The following MAP7 variants were observed in gnomAD, a reference collection of about 807,000 sequenced individuals.
The protein encoded by MAP7 is microtubule associated protein 7.
A neutral mutation model predicts 94.8 loss-of-function variants in MAP7; 52 were observed. That is an observed-to-expected ratio of 0.55 (90% CI 0.44 to 0.69). The LOEUF is 0.69. MAP7 is among the 30% of genes least tolerant of loss of function. MAP7 has a pLI of 0.00. For synonymous variants in MAP7, 350 were observed against 357.0 expected (o/e 0.98, Z 0.22); for missense variants, 940 against 964.6 (o/e 0.97, Z 0.34).
chr6:136,355,884 T>C (rs1582650145), intron 16 of MAP7, among the ~76,000 whole-genome samples: 1 of 152,232 alleles, frequency 6.6e-6, no homozygotes, highest in African/African-American at 2.4e-5. Flanking sequence ...AATGTTCATA[T>C]GATGCTGTTG....
At chr6:136,403,019 AG>A (rs781675620) in intron 3 of MAP7, among the ~76,000 whole-genome samples, 40 of 151,428 alleles carry the variant, frequency 2.6e-4, no homozygotes, top group Non-Finnish European at 8.8e-5. Flanking sequence ...AAAATAATGG[AG>A]TTTTGCTAAA....
chr6:136,524,453 T>C (rs932768101), intron 1 of MAP7, among the ~76,000 whole-genome samples: 6 of 152,160 alleles, frequency 3.9e-5, no homozygotes, highest in Non-Finnish European at 8.8e-5. Context: ...AGTCCTGAGT[T>C]TTCATCCAGA....
intron 1 of MAP7, among the ~76,000 whole-genome samples, chr6:136,460,179 A>C (rs2128910080): frequency 6.6e-6 from 1 of 152,310 alleles, no homozygotes; most frequent in South Asian, 2.1e-4. Context: ...ATGGGGGACT[A>C]TTCCTTCCAT....
intron 1 of MAP7, among the ~76,000 whole-genome samples, chr6:136,520,904 C>T (rs1826226799): frequency 6.6e-6 from 1 of 152,124 alleles, no homozygotes; most frequent in South Asian, 2.1e-4. Flanking sequence ...ATGGAGAAGG[C>T]AAAAGGGACC....
At chr6:136,522,306 A>G (rs1826614866) in intron 1 of MAP7, among the ~76,000 whole-genome samples, 1 of 152,028 alleles carries the variant, frequency 6.6e-6, no homozygotes, top group South Asian at 2.1e-4. Flanking sequence ...TATGTAAAAC[A>G]TTACACTCCT....
At chr6:136,416,287 G>GT (rs1789383082) in intron 2 of MAP7, among the ~76,000 whole-genome samples, 1 of 152,102 alleles carries the variant, frequency 6.6e-6, no homozygotes, top group African/African-American at 2.4e-5. Context: ...GAACAATCTT[G>GT]TACCTGATAA....
intron 1 of MAP7, among the ~76,000 whole-genome samples, chr6:136,424,151 C>G (rs1369697390): frequency 6.6e-6 from 1 of 151,766 alleles, no homozygotes; most frequent in African/African-American, 2.4e-5. Flanking sequence ...TACTTAAGAA[C>G]ACAATGACAA....
chr6:136,362,917 G>A (rs780347283), intron 10 of MAP7, among the ~76,000 whole-genome samples: 3 of 152,138 alleles, frequency 2.0e-5, no homozygotes, highest in Non-Finnish European at 4.4e-5. Context: ...ATCCAACAAA[G>A]CTGACACTCT....
chr6:136,383,661 T>A lies in MAP7; in HGVS notation c.637+10A>T. ...TAACAGACACTTTTTTGTTTTCCTT[T>A]GGACTGTACCTCTATCTGGAGAATT... On this transcript the variant is annotated intron_variant, in intron 6 of 17. Transcript: ENST00000354570. 6.6e-7 allele frequency: 1 copy of A among 1,505,046 alleles called. No homozygotes were observed. The highest frequency in any genetic ancestry group is 2.3e-5 in the East Asian group (1 of 43,148). The allele number at this position is 1,505,046 out of a possible 1,614,324, so 93.2% of individuals were successfully genotyped here.
At chr6:136,441,566 G>A (rs1411618534) in intron 1 of MAP7, among the ~76,000 whole-genome samples, 1 of 151,536 alleles carries the variant, frequency 6.6e-6, no homozygotes, top group African/African-American at 2.4e-5. Flanking sequence ...CCCCTTTTTT[G>A]ATCATGCATA....
At chr6:136,480,409 G>A (rs1812364152) in intron 1 of MAP7, among the ~76,000 whole-genome samples, 2 of 151,872 alleles carry the variant, frequency 1.3e-5, no homozygotes, top group South Asian at 2.1e-4. Context: ...AAATATTGGG[G>A]AGATGGGTGG....
intron 6 of MAP7, among the ~76,000 whole-genome samples, chr6:136,381,919 C>CACACAG (rs373754692): frequency 0.03 from 3,032 of 102,754 alleles, 98 homozygotes; most frequent in African/African-American, 0.058. Flanking sequence ...CACACACACA[C>CACACAG]AGAGAGAGAG....
chr6:136,349,463 C>G (rs886201433), intron 16 of MAP7, among the ~76,000 whole-genome samples: 2 of 152,030 alleles, frequency 1.3e-5, no homozygotes, highest in African/African-American at 4.8e-5. Flanking sequence ...AGCTTCAATT[C>G]CCTGGGCTCA....
rs775287802 is a variant in MAP7, at chr6:136,365,892, G to A, written c.1116C>T (p.Val372=). ...CAGGCTCCACTTTGACTTCCCTCTT[G>A]ACAGGGCGGATGTTGCCGGGGGATG... ...RPPSPGNIRP[V]KREVKVEPEK... Residue 372 remains valine (V), a synonymous_variant, in exon 10 of 18, where the codon GTC becomes GTT. Coordinates refer to ENST00000354570, the MANE Select transcript of MAP7 (RefSeq NM_003980.6). The A allele has an allele frequency of 6.2e-7, 1 of 1,614,092 alleles. No homozygotes were observed. Among genetic ancestry groups the A allele is most frequent in the Non-Finnish European group, 8.5e-7 (1 of 1,180,026 alleles).
intron 1 of MAP7, among the ~76,000 whole-genome samples, chr6:136,452,778 G>A (rs1368976948): frequency 1.3e-5 from 2 of 151,994 alleles, no homozygotes; most frequent in East Asian, 1.9e-4. Flanking sequence ...GTCTCGAACT[G>A]CTGACCTCAA....
chr6:136,486,388 G>A (rs1814761916), intron 1 of MAP7, among the ~76,000 whole-genome samples: 1 of 152,220 alleles, frequency 6.6e-6, no homozygotes, highest in African/African-American at 2.4e-5. Flanking sequence ...AGTTGCAGGT[G>A]TGATAGCTAG....
At chr6:136,384,041 G>A (rs1052389046) in intron 5 of MAP7, among the ~76,000 whole-genome samples, 1 of 152,184 alleles carries the variant, frequency 6.6e-6, no homozygotes, top group South Asian at 2.1e-4. Flanking sequence ...AGTGGATGAA[G>A]ACAAAAGGAA....
intron 1 of MAP7, among the ~76,000 whole-genome samples, chr6:136,446,769 A>C (rs962316103): frequency 4.6e-5 from 7 of 152,208 alleles, no homozygotes; most frequent in Admixed American, 4.6e-4. Context: ...ACAATATTAC[A>C]ATCTGCTTTT....
chr6:136,394,968 A>ATC (rs1554243263), intron 3 of MAP7, among the ~76,000 whole-genome samples: 2 of 130,596 alleles, frequency 1.5e-5, no homozygotes, highest in African/African-American at 5.7e-5. Context: ...ATATATATAT[A>ATC]TATCACATTT....
Sources: allele counts gnomAD v4.1 joint callset (sites outside exome capture counted in the v4.1 genomes callset), GRCh38; gene constraint gnomAD v4.1.1; transcripts MANE v1.5; gene names NCBI Gene and HGNC (gene_info 2026-07-23, HGNC 2026-07-21).